The following PLEKHG1 variants were observed in gnomAD, a reference collection of about 807,000 sequenced individuals.
PLEKHG1 encodes pleckstrin homology domain-containing family G member 1.
Under a neutral mutation model 100.8 loss-of-function variants are expected in PLEKHG1, and 44 were observed. The ratio of observed to expected loss-of-function variants is 0.44; its 90% confidence interval spans 0.34 to 0.56. PLEKHG1 has a LOEUF of 0.56. PLEKHG1 is among the 20% of genes least tolerant of loss of function. The probability of loss-of-function intolerance (pLI) is 0.01; values close to 1 mark genes in which losing one functional copy is unlikely to be tolerated. For missense variants in PLEKHG1, 1,545 were observed against 1,720.9 expected, an observed-to-expected ratio of 0.90 and a Z score of 1.81; for synonymous variants, 640 against 662.5, an observed-to-expected ratio of 0.97 and a Z score of 0.52.
rs1380706613 is a variant in PLEKHG1 at position 150,831,788 on chromosome 6, C to G, written c.2677C>G (p.Leu893Val). The G allele has an allele frequency of 6.2e-7, 1 of 1,613,158 alleles. No individual in the cohort carries two copies. Among genetic ancestry groups the G allele is most frequent in the Non-Finnish European group, 8.5e-7 (1 of 1,179,564 alleles). The change falls in exon 15 of 16, where the codon CTG becomes GTG. Residue 893 changes from leucine to valine, a missense_variant. By Grantham distance (32) the Leu-to-Val change is conservative. Coordinates refer to ENST00000358517, the Ensembl canonical transcript of PLEKHG1. The surrounding 1 kb of genome is among the most constrained non-coding windows in gnomAD (Gnocchi z 4.1). ...GGGGCGCTCTGTGTCCACGCTGTCCCTGCCTGAGAGCCAGGCTCTCCTCAC... is the reference window on the plus strand; with the variant it reads ...GGGGCGCTCTGTGTCCACGCTGTCCGTGCCTGAGAGCCAGGCTCTCCTCAC...
intron 5 of PLEKHG1, among the ~76,000 whole-genome samples, chr6:150,796,506 T>G (rs1562525945): frequency 6.6e-6 from 1 of 151,998 alleles, no homozygotes; most frequent in Admixed American, 6.5e-5. Context: ...AGTAAGGGAG[T>G]TGGGCCTAAG....
chr6:150,706,405 G>A (rs562740583), intron 3 of PLEKHG1, among the ~76,000 whole-genome samples: 1 of 151,474 alleles, frequency 6.6e-6, no homozygotes, highest in East Asian at 1.9e-4. Context: ...CTTGAGCCCA[G>A]GTGTTTGAGA....
chr6:150,617,860 G>A (rs763206085), intron 1 of PLEKHG1, among the ~76,000 whole-genome samples: 2 of 152,178 alleles, frequency 1.3e-5, no homozygotes, highest in Non-Finnish European at 2.9e-5. Flanking sequence ...CTGGGGTGTG[G>A]GAACAGGTCT....
Position 150,658,652 on chromosome 6 carries a change from CCTCTAA to C in PLEKHG1, c.-99+7870_-99+7875del, listed in dbSNP as rs1364082076. Among the ~76,000 whole-genome samples the C allele has an allele frequency of 6.6e-4, 100 of 152,158 alleles. 4 individuals carry two copies. The highest frequency in any genetic ancestry group is 6.5e-3 in the Admixed American group (99 of 15,270). On this transcript the variant is annotated intron_variant, in intron 3 of 3. Coordinates refer to the PLEKHG1 transcript ENST00000367326. Reference sequence around the variant, plus strand: ...CTGTGATCACATATTCTTAAAGCTGCCTCTAACTCCTAACTCTCCTCTTTGAGGAAA... The same window carrying C: ...CTGTGATCACATATTCTTAAAGCTGCCTCCTAACTCTCCTCTTTGAGGAAA...
intron 2 of PLEKHG1, among the ~76,000 whole-genome samples, chr6:150,755,942 C>CT (rs570976626): frequency 0.14 from 21,280 of 152,022 alleles, 165 homozygotes; most frequent in African/African-American, 0.3. Context: ...ATAGAAGCTG[C>CT]ATTTACTACA....
intron 3 of PLEKHG1, among the ~76,000 whole-genome samples, chr6:150,665,662 A>T (rs976760384): frequency 2.0e-5 from 3 of 148,170 alleles, no homozygotes; most frequent in African/African-American, 7.4e-5. Flanking sequence ...AATAAAAATA[A>T]AAATATTAAT....
intron 3 of PLEKHG1, among the ~76,000 whole-genome samples, chr6:150,699,842 C>A (rs1260916668): frequency 6.6e-6 from 1 of 152,148 alleles, no homozygotes; most frequent in Non-Finnish European, 1.5e-5. Context: ...ACAATGTCAA[C>A]AAAAGAAAAC....
chr6:150,615,384 G>T (rs1374003047), intron 1 of PLEKHG1, among the ~76,000 whole-genome samples: 1 of 152,106 alleles, frequency 6.6e-6, no homozygotes. Flanking sequence ...GTACACCATT[G>T]AGCTTTCTTC....
intron 3 of PLEKHG1, among the ~76,000 whole-genome samples, chr6:150,700,185 A>G (rs1364350684): frequency 6.6e-6 from 1 of 152,174 alleles, no homozygotes; most frequent in Non-Finnish European, 1.5e-5. Flanking sequence ...TGCCAGGCTG[A>G]CCAGCCTCCC....
chr6:150,619,230 A>G (rs1047293038), intron 1 of PLEKHG1, among the ~76,000 whole-genome samples: 1 of 152,218 alleles, frequency 6.6e-6, no homozygotes, highest in African/African-American at 2.4e-5. Context: ...TTCAAAGGTC[A>G]TCTGAGTTTT....
chr6:150,802,159 C>T (rs1406223931), intron 6 of PLEKHG1, among the ~76,000 whole-genome samples: 1 of 152,118 alleles, frequency 6.6e-6, no homozygotes, highest in Non-Finnish European at 1.5e-5. Context: ...CTTTGTCCAT[C>T]TTTACTAGCA....
At chr6:150,658,986 G>C (rs1362448531) in intron 3 of PLEKHG1, among the ~76,000 whole-genome samples, 1 of 152,188 alleles carries the variant, frequency 6.6e-6, no homozygotes, top group Non-Finnish European at 1.5e-5. Context: ...AGAAATCTAA[G>C]TCACTGCATA....
chr6:150,666,997 A>T (rs1779412903), intron 3 of PLEKHG1, among the ~76,000 whole-genome samples: 1 of 152,092 alleles, frequency 6.6e-6, no homozygotes, highest in African/African-American at 2.4e-5. Flanking sequence ...TGACCTCGTG[A>T]TCCACCCAAC....
intron 1 of PLEKHG1, among the ~76,000 whole-genome samples, chr6:150,729,929 A>C (rs1179829933): frequency 1.3e-5 from 2 of 152,132 alleles, no homozygotes; most frequent in African/African-American, 4.8e-5. Context: ...GTATTTCTAA[A>C]GACATTGTCA....
intron 2 of PLEKHG1, among the ~76,000 whole-genome samples, chr6:150,767,606 T>C (rs1007306037): frequency 3.9e-5 from 6 of 152,166 alleles, no homozygotes; most frequent in Non-Finnish European, 5.9e-5. Flanking sequence ...TAAGAAACAA[T>C]TATCTAATGG....
At chr6:150,693,214 G>A (rs1292109866) in intron 3 of PLEKHG1, among the ~76,000 whole-genome samples, 1 of 152,132 alleles carries the variant, frequency 6.6e-6, no homozygotes, top group South Asian at 2.1e-4. Context: ...CTTGAACCTG[G>A]GAGGCGGAGG....
chr6:150,683,889 T>G lies in PLEKHG1; in HGVS notation c.-99+33103T>G. ...GAAGGGGCCTGGGATGGAGGTAAGA[T>G]GGAGCGATCCTATGGTTTGGCACCT... On this transcript the variant is annotated intron_variant, in intron 3 of 3. Transcript: ENST00000367326. The surrounding 1 kb of genome is among the most constrained non-coding windows in gnomAD (Gnocchi z 4.0). The G allele has an allele frequency of 1.7e-6, 2 of 1,158,402 alleles. No homozygotes were observed. Among genetic ancestry groups the G allele is most frequent in the South Asian group, 2.7e-5 (2 of 74,286 alleles). The allele number at this position is 1,158,402 out of a possible 1,614,324, so 71.8% of individuals were successfully genotyped here. A position where few individuals can be genotyped will look rare whatever the true frequency, so the allele number is the denominator to read the frequency against.
intron 2 of PLEKHG1, among the ~76,000 whole-genome samples, chr6:150,650,350 T>G (rs1778678738): frequency 6.6e-6 from 1 of 152,182 alleles, no homozygotes; most frequent in African/African-American, 2.4e-5. Flanking sequence ...TTGGGGGAAA[T>G]TCTTCCTGGT....
intron 14 of PLEKHG1, 129 bp downstream of exon 15, chr6:150,823,805 T>A (rs573642691): frequency 2.9e-6 from 2 of 682,768 alleles, no homozygotes; most frequent in African/African-American, 3.6e-5. Flanking sequence ...TTTGGAAATA[T>A]GGTATTTTAC....
Sources: gnomAD v4.1 joint callset for allele counts (sites outside exome capture counted in the v4.1 genomes callset) on GRCh38, gnomAD v4.1.1 for gene constraint, Gnocchi (gnomAD v3.1) non-coding constraint, MANE v1.5 for transcripts, NCBI Gene and HGNC (gene_info 2026-07-23, HGNC 2026-07-21) for gene names.